Variants in KIAA1328 observed in about 807,000 individuals in gnomAD.
KIAA1328 encodes the protein KIAA1328.
A neutral mutation model predicts 68.1 loss-of-function variants in KIAA1328; 52 were observed. The observed-to-expected ratio is 0.76, with a 90% CI of 0.61 to 0.96. KIAA1328 has a LOEUF of 0.96. Ranked by LOEUF, KIAA1328 falls within the 40% of genes least tolerant of loss-of-function variation. KIAA1328 has a pLI of 0.00. For synonymous variants in KIAA1328, 232 were observed against 239.4 expected (o/e 0.97, Z 0.28); for missense variants, 641 against 677.6 (o/e 0.95, Z 0.60).
At chr18:37,080,239 C>T (rs2056904292) in intron 7 of KIAA1328, among the ~76,000 whole-genome samples, 1 of 152,096 alleles carries the variant, frequency 6.6e-6, no homozygotes, top group African/African-American at 2.4e-5. Context: ...TTTAAGCTGA[C>T]CATGTTCTCA....
intron 6 of KIAA1328, among the ~76,000 whole-genome samples, chr18:36,991,771 C>T (rs1413805417): frequency 1.3e-5 from 2 of 152,162 alleles, no homozygotes; most frequent in African/African-American, 2.4e-5. Context: ...GGGCCTCTCT[C>T]CTCGTGTAGC....
intron 7 of KIAA1328, among the ~76,000 whole-genome samples, chr18:37,154,105 A>C (rs1380858622): frequency 6.6e-6 from 1 of 152,072 alleles, no homozygotes; most frequent in African/African-American, 2.4e-5. Context: ...ACTCTTCACA[A>C]TAACTCAGTA....
At chr18:37,197,534 C>T (rs1407261818) in intron 9 of KIAA1328, among the ~76,000 whole-genome samples, 13 of 152,066 alleles carry the variant, frequency 8.5e-5, no homozygotes, top group Non-Finnish European at 4.4e-5. Flanking sequence ...AGAAAAGACT[C>T]AGGAATGTTG....
At chr18:36,990,426 A>G (rs1160154523) in intron 6 of KIAA1328, among the ~76,000 whole-genome samples, 1 of 151,876 alleles carries the variant, frequency 6.6e-6, no homozygotes, top group Non-Finnish European at 1.5e-5. Context: ...TGTAATCCCA[A>G]CACTTTGGGA....
At chr18:36,978,417 T>C (rs2052557095) in intron 6 of KIAA1328, among the ~76,000 whole-genome samples, 1 of 152,266 alleles carries the variant, frequency 6.6e-6, no homozygotes, top group African/African-American at 2.4e-5. Flanking sequence ...TACGAATTGG[T>C]GGAAACAGTT....
chr18:37,208,714 A>G (rs1015070085), intron 9 of KIAA1328, among the ~76,000 whole-genome samples: 13 of 152,226 alleles, frequency 8.5e-5, no homozygotes, highest in Non-Finnish European at 1.8e-4. Flanking sequence ...ATGTAAAGGA[A>G]GCATTGACCT....
At chr18:37,143,529 T>C (rs1206196984) in intron 7 of KIAA1328, among the ~76,000 whole-genome samples, 2 of 146,768 alleles carry the variant, frequency 1.4e-5, no homozygotes, top group Non-Finnish European at 3.0e-5. Context: ...TTCTTTTTTT[T>C]TTTTTTTTTT....
chr18:36,843,082 G>A (rs185230954), intron 3 of KIAA1328, among the ~76,000 whole-genome samples: 46 of 151,842 alleles, frequency 3.0e-4, no homozygotes, highest in Admixed American at 1.7e-3. Flanking sequence ...AAAGTATAAA[G>A]AATAATAAAA....
At chr18:37,156,562 T>A (rs2059157892) in intron 7 of KIAA1328, among the ~76,000 whole-genome samples, 1 of 151,620 alleles carries the variant, frequency 6.6e-6, no homozygotes, top group Non-Finnish European at 1.5e-5. Context: ...ACAGTACATA[T>A]CAGGCCCATA....
chr18:37,017,181 G>T (rs1261883426), intron 6 of KIAA1328, among the ~76,000 whole-genome samples: 2 of 151,974 alleles, frequency 1.3e-5, no homozygotes, highest in Non-Finnish European at 2.9e-5. Context: ...TTATTTCAAA[G>T]AATTTTTTTA....
intron 4 of KIAA1328, among the ~76,000 whole-genome samples, chr18:36,851,899 T>C (rs545956608): frequency 3.9e-5 from 6 of 152,194 alleles, no homozygotes; most frequent in African/African-American, 1.2e-4. Flanking sequence ...ATCTCTTTTT[T>C]AATTTAAGGT....
intron 5 of KIAA1328, among the ~76,000 whole-genome samples, chr18:36,944,293 T>C (rs2050813560): frequency 6.6e-6 from 1 of 152,124 alleles, no homozygotes; most frequent in Non-Finnish European, 1.5e-5. Context: ...TATAAGGTCA[T>C]GGGGGCCAGG....
chr18:36,978,846 G>A (rs1408058631), intron 6 of KIAA1328, among the ~76,000 whole-genome samples: 5 of 152,154 alleles, frequency 3.3e-5, no homozygotes, highest in African/African-American at 7.2e-5. Flanking sequence ...TCCTTAAAGC[G>A]GCTGACTAGT....
At chr18:36,931,614 T>C (rs2050313359) in intron 5 of KIAA1328, among the ~76,000 whole-genome samples, 1 of 152,076 alleles carries the variant, frequency 6.6e-6, no homozygotes, top group African/African-American at 2.4e-5. Flanking sequence ...CTTATATTTC[T>C]AGTTAACCTC....
At chr18:37,110,781 T>C (rs10164099) in intron 7 of KIAA1328, among the ~76,000 whole-genome samples, 22,459 of 152,262 alleles carry the variant, frequency 0.15, 1,756 homozygotes, top group African/African-American at 0.18. Context: ...GAGAACATGG[T>C]TGCAATCTTA....
At chr18:36,932,540 A>T (rs1039780934) in intron 5 of KIAA1328, among the ~76,000 whole-genome samples, 1 of 152,184 alleles carries the variant, frequency 6.6e-6, no homozygotes, top group Non-Finnish European at 1.5e-5. Context: ...TTATTTAAGT[A>T]TTTCCATAAT....
At chr18:37,214,627 A>G (rs1599615655) in intron 9 of KIAA1328, among the ~76,000 whole-genome samples, 1 of 152,348 alleles carries the variant, frequency 6.6e-6, no homozygotes, top group South Asian at 2.1e-4. Context: ...TGTCTTGGCA[A>G]TACGGGCTCT....
chr18:37,069,754 T>C (rs569746770), intron 7 of KIAA1328, among the ~76,000 whole-genome samples: 6 of 152,280 alleles, frequency 3.9e-5, no homozygotes, highest in Admixed American at 3.9e-4. Context: ...GTTTGTTCAT[T>C]TTAATTATCT....
intron 5 of KIAA1328, chr18:36,954,625 T>G (rs2051323801): frequency 6.6e-6 from 1 of 152,186 alleles, no homozygotes; most frequent in South Asian, 2.1e-4. Flanking sequence ...AAATGGTGAT[T>G]TAAAATTTTG....
Sources: allele counts gnomAD v4.1 joint callset (sites outside exome capture counted in the v4.1 genomes callset), GRCh38; gene constraint gnomAD v4.1.1; transcripts MANE v1.5; gene names NCBI Gene and HGNC (gene_info 2026-07-23, HGNC 2026-07-21).